Variants in SLC25A53 observed in about 807,000 individuals in gnomAD.
SLC25A53 encodes the protein mitochondrial carrier triple repeat protein 6.
In SLC25A53, 5 loss-of-function variants were observed where a neutral mutation model predicts 15.0. That is an observed-to-expected ratio of 0.33 (90% CI 0.17 to 0.70). SLC25A53 has a LOEUF of 0.70. SLC25A53 is among the 30% of genes least tolerant of loss of function. The probability of loss-of-function intolerance (pLI) is 0.67; values close to 1 mark genes in which losing one functional copy is unlikely to be tolerated. For synonymous variants in SLC25A53, 95 were observed against 100.0 expected, an observed-to-expected ratio of 0.95 and a Z score of 0.30; for missense variants, 216 against 241.6, an observed-to-expected ratio of 0.89 and a Z score of 0.70.
intron 1 of SLC25A53, among the ~76,000 whole-genome samples, chrX:104,128,796 AC>A (rs201487621): frequency 2.7e-5 from 3 of 110,320 alleles, no homozygotes; most frequent in Admixed American, 1.9e-4. Context: ...ACACACACAC[AC>A]CCATGTATGT....
intron 1 of SLC25A53, among the ~76,000 whole-genome samples, chrX:104,135,868 G>A (rs1329338330): frequency 4.5e-5 from 5 of 111,911 alleles, no homozygotes; most frequent in African/African-American, 1.6e-4. Flanking sequence ...CCATCTATCT[G>A]AGAAGACAGA....
intron 1 of SLC25A53, 40 bp downstream of exon 1, chrX:104,156,838 G>T (rs371351458): frequency 2.0e-4 from 22 of 111,722 alleles, no homozygotes; most frequent in African/African-American, 7.2e-4. Flanking sequence ...CTGGAAGCAG[G>T]ATGTGTCTAC....
At chrX:104,125,830 A>G (rs149509858) in intron 1 of SLC25A53, among the ~76,000 whole-genome samples, 35 of 112,176 alleles carry the variant, frequency 3.1e-4, no homozygotes, top group African/African-American at 9.7e-4. Flanking sequence ...GAGAGTTCGT[A>G]AGTACATCCA....
At chrX:104,138,445 T>A (rs1163656583) in intron 1 of SLC25A53, among the ~76,000 whole-genome samples, 2 of 112,273 alleles carry the variant, frequency 1.8e-5, no homozygotes, top group Non-Finnish European at 3.8e-5. Context: ...TATGGGAGCA[T>A]ACAGATGGGC....
rs2147884170 is a variant in SLC25A53, at chrX:104,156,861, T to A, written c.-32+17A>T. On this transcript the variant is annotated intron_variant, in intron 1 of 1. Coordinates refer to ENST00000594199, the MANE Select transcript of SLC25A53 (RefSeq NM_001012755.5). The stretch of plus-strand genomic sequence containing the variant: ...AGGATGTGTCTACGCCCTCAGCCCA[T>A]AAGAAGTGCTACAAACCTCCGCCTC... 8.9e-6 allele frequency: 1 copy of A among 111,859 alleles called. No individual in the cohort carries two copies. The highest frequency in any genetic ancestry group is 2.8e-4 in the East Asian group (1 of 3,545). 9.2% of individuals were successfully genotyped at this position (111,859 alleles called of 1,213,427 possible).
At chrX:104,147,053 T>C (rs1474658978) in intron 1 of SLC25A53, among the ~76,000 whole-genome samples, 2 of 111,714 alleles carry the variant, frequency 1.8e-5, no homozygotes, top group Non-Finnish European at 3.8e-5. Context: ...CTTCAAACTA[T>C]ACTACAAGGC....
chrX:104,134,917 G>A (rs1181981348), intron 1 of SLC25A53, among the ~76,000 whole-genome samples: 1 of 110,887 alleles, frequency 9.0e-6, no homozygotes, highest in Non-Finnish European at 1.9e-5. Context: ...TTAGCCTGGT[G>A]ACCAAGGTTC....
At chrX:104,119,800 A>G (rs1415938837) in intron 1 of SLC25A53, among the ~76,000 whole-genome samples, 1 of 111,733 alleles carries the variant, frequency 8.9e-6, no homozygotes, top group Non-Finnish European at 1.9e-5. Context: ...AGAACTCCAG[A>G]AATTCCCATA....
chrX:104,148,751 G>A (rs2075476598), intron 1 of SLC25A53, among the ~76,000 whole-genome samples: 1 of 110,781 alleles, frequency 9.0e-6, no homozygotes, highest in Admixed American at 9.7e-5. Flanking sequence ...GCTGATAGGT[G>A]CAGCAAACCA....
rs1270638647 is a variant in SLC25A53, at chrX:104,125,072, T to A, written c.-31-19784A>T. ...GTTGGCCAGGCTGGTCTCAAACTCC[T>A]GACCTCAAGTGATCTGCCCGCCTCA... is the stretch of plus-strand genomic sequence containing the variant. On this transcript the variant is annotated intron_variant, in intron 1 of 1. Coordinates refer to ENST00000594199, the MANE Select transcript of SLC25A53 (RefSeq NM_001012755.5). Among the ~76,000 whole-genome samples, 3 of 109,176 alleles carry A rather than the reference T, an allele frequency of 2.7e-5. No individual in the cohort carries two copies. In the Admixed American group the frequency reaches 2.9e-4, roughly 11 times the overall value. The allele number at this position is 109,176 out of a possible 115,157, so 94.8% of individuals were successfully genotyped here. A position where few individuals can be genotyped will look rare whatever the true frequency, so the allele number is the denominator to read the frequency against.
At chrX:104,153,524 AC>A (rs1719743739) in intron 1 of SLC25A53, among the ~76,000 whole-genome samples, 1 of 111,731 alleles carries the variant, frequency 9.0e-6, no homozygotes, top group African/African-American at 3.3e-5. Context: ...GACTTCTTAT[AC>A]TAATCTTTGT....
intron 1 of SLC25A53, among the ~76,000 whole-genome samples, chrX:104,154,456 T>C (rs1556371017): frequency 8.0e-5 from 9 of 112,205 alleles, no homozygotes; most frequent in Non-Finnish European, 3.8e-5. Flanking sequence ...AGAATTACTA[T>C]ATGATCCAGC....
At chrX:104,153,799 C>A (rs2075492576) in intron 1 of SLC25A53, among the ~76,000 whole-genome samples, 1 of 111,944 alleles carries the variant, frequency 8.9e-6, no homozygotes, top group East Asian at 2.8e-4. Context: ...AGGAAGATGA[C>A]CTTTGCTCGA....
At chrX:104,106,615 A>G (rs781783564) in intron 1 of SLC25A53, among the ~76,000 whole-genome samples, 8 of 111,409 alleles carry the variant, frequency 7.2e-5, no homozygotes, top group Non-Finnish European at 1.1e-4. Flanking sequence ...TAGCAGGCCA[A>G]TGGGGAACCA....
intron 1 of SLC25A53, among the ~76,000 whole-genome samples, chrX:104,156,066 A>G (rs1190971787): frequency 5.7e-5 from 6 of 105,826 alleles, no homozygotes; most frequent in Non-Finnish European, 1.1e-4. Flanking sequence ...AAAAAAAAAA[A>G]AAAGAAAGAA....
At chrX:104,122,501 TACC>T (rs2075398317) in intron 1 of SLC25A53, among the ~76,000 whole-genome samples, 2 of 109,837 alleles carry the variant, frequency 1.8e-5, no homozygotes, top group Non-Finnish European at 3.8e-5. Flanking sequence ...CCTGGCTGAA[TACC>T]ACATCTTGAG....
At chrX:104,114,454 C>T (rs782648857) in intron 1 of SLC25A53, 4 of 1,209,783 alleles carry the variant, frequency 3.3e-6, no homozygotes, top group East Asian at 5.9e-5. Flanking sequence ...AGATTTCTTG[C>T]GGGCAATGAA....
chrX:104,147,696 A>G (rs782015816), intron 1 of SLC25A53, among the ~76,000 whole-genome samples: 46 of 112,034 alleles, frequency 4.1e-4, no homozygotes, highest in African/African-American at 1.3e-3. Context: ...AGACACATGA[A>G]AAACTGCTCA....
intron 1 of SLC25A53, among the ~76,000 whole-genome samples, chrX:104,124,830 ACTTTTTTCCTTTTTTTTTTTTTTTTTT>A (rs1248481581): frequency 6.1e-5 from 6 of 98,529 alleles, no homozygotes; most frequent in African/African-American, 2.2e-4. Flanking sequence ...AAAAGAAATA[ACTTTTTTCCTTTTTTTTTTTTTTTTTT>A]TTTTTGAGAC....
Sources: gnomAD v4.1 joint callset for allele counts (sites outside exome capture counted in the v4.1 genomes callset) on GRCh38, gnomAD v4.1.1 for gene constraint, MANE v1.5 for transcripts, NCBI Gene and HGNC (gene_info 2026-07-23, HGNC 2026-07-21) for gene names.